Variants in IL3RA observed in about 807,000 individuals in gnomAD.
IL3RA encodes the protein interleukin-3 receptor subunit alpha.
In IL3RA, 73 loss-of-function variants were observed where a neutral mutation model predicts 52.3. That is an observed-to-expected ratio of 1.40 (90% CI 1.16 to 1.70). The LOEUF (loss-of-function observed/expected upper bound fraction) is 1.70, where lower values mean the gene tolerates loss of function less well. Among genes scored for constraint, IL3RA ranks in the 40% most tolerant of loss-of-function variants. The probability of loss-of-function intolerance (pLI) is 0.00; values close to 1 mark genes in which losing one functional copy is unlikely to be tolerated. For missense variants in IL3RA, 664 were observed against 504.4 expected (o/e 1.32, Z -3.03); for synonymous variants, 260 against 194.0 (o/e 1.34, Z -2.83).
chrX:1,340,483 C>T (rs1452617033), intron 1 of IL3RA, among the ~76,000 whole-genome samples: 1 of 152,150 alleles, frequency 6.6e-6, no homozygotes, highest in Admixed American at 6.6e-5. Context: ...TGCACACATA[C>T]ACACTGATGC....
intron 8 of IL3RA, 145 bp from the exon 9 acceptor site, chrX:1,364,993 G>C (rs1170071486): frequency 5.4e-6 from 3 of 558,076 alleles, no homozygotes; most frequent in Non-Finnish European, 6.6e-6. Context: ...ATTTTTAGTA[G>C]AGACAGGGTT....
rs183558400 is a variant in IL3RA at position 1,340,761 on chromosome X, G to A, written c.-38-967G>A. Among the ~76,000 whole-genome samples the A allele has an allele frequency of 1.6e-3, 239 of 152,206 alleles. 4 individuals carry two copies. The highest frequency in any genetic ancestry group is 5.4e-3 in the African/African-American group (225 of 41,528). On this transcript the variant is annotated intron_variant, in intron 1 of 11. Transcript: ENST00000331035. ...AGCACTTGGCGAGGAAAAGGCGGGC[G>A]GATCACCTGAGGCAGGAGTCCGAGA...
chrX:1,362,466 ATCTG>A (rs1163539470), intron 8 of IL3RA, among the ~76,000 whole-genome samples: 2 of 93,498 alleles, frequency 2.1e-5, no homozygotes, highest in Non-Finnish European at 4.6e-5. Context: ...CTCTGTTTCT[ATCTG>A]TCTCTCTCTG....
chrX:1,340,115 C>CTTTTTT (rs779128210), intron 1 of IL3RA, among the ~76,000 whole-genome samples: 31 of 127,178 alleles, frequency 2.4e-4, no homozygotes, highest in African/African-American at 4.9e-4. Flanking sequence ...CTTTTCTTTT[C>CTTTTTT]TTTTTTTTTT....
chrX:1,344,728 G>A (rs758277072), intron 2 of IL3RA, among the ~76,000 whole-genome samples: 142 of 151,518 alleles, frequency 9.4e-4, no homozygotes, highest in African/African-American at 2.2e-3. Flanking sequence ...AGCTGAGATC[G>A]TGCCACTGCA....
Position 1,382,648 on chromosome X carries a change from G to A in IL3RA, c.*183G>A, listed in dbSNP as rs1225115175. The A allele has an allele frequency of 4.8e-6, 3 of 628,792 alleles. No homozygotes were observed. Among genetic ancestry groups the A allele is most frequent in the African/African-American group, 1.9e-5 (1 of 53,458 alleles). 39.0% of individuals were successfully genotyped at this position (628,792 alleles called of 1,614,324 possible). On this transcript the variant is annotated 3_prime_UTR_variant, in exon 12 of 12. Transcript: ENST00000331035. Reference sequence around the variant, plus strand: ...GCCAGGAAGAAGAACAGAACTTTGTGTGTTTATTTCATGATAAAGTGATTT... The same window carrying A: ...GCCAGGAAGAAGAACAGAACTTTGTATGTTTATTTCATGATAAAGTGATTT...
At chrX:1,345,508 G>C (rs1353538232) in intron 3 of IL3RA, 74 bp downstream of exon 3, 7 of 1,072,546 alleles carry the variant, frequency 6.5e-6, no homozygotes, top group Middle Eastern at 3.3e-4. Context: ...TTTATTTTTT[G>C]AGACGGAGTC....
At chrX:1,359,637 T>C (rs1215423084) in intron 8 of IL3RA, among the ~76,000 whole-genome samples, 34 of 130,714 alleles carry the variant, frequency 2.6e-4, no homozygotes, top group Non-Finnish European at 4.9e-5. Flanking sequence ...TCCCTCTCTC[T>C]ATCTTTCTCT....
In IL3RA at chrX:1,348,534, T is replaced by A; in HGVS notation, c.287T>A (p.Phe96Tyr). 6.2e-7 allele frequency: 1 copy of A among 1,612,366 alleles called. No homozygotes were observed. The highest frequency in any genetic ancestry group is 8.5e-7 in the Non-Finnish European group (1 of 1,178,492). ...CCACCATTCTCCACGTGGATCCTCTTCCCTGAGAACAGTGAGAAAAATGTT... is the reference window on the plus strand; with the variant it reads ...CCACCATTCTCCACGTGGATCCTCTACCCTGAGAACAGTGAGAAAAATGTT... ...ANPPFSTWIL[F>Y]PENSGKPWAG... Residue 96 changes from phenylalanine (F) to tyrosine (Y), a missense_variant, in exon 4 of 12, where the codon TTC becomes TAC. Coordinates refer to ENST00000331035, the MANE Select transcript of IL3RA (RefSeq NM_002183.4).
rs1569522245 is a variant in IL3RA at position 1,353,952 on chromosome X, CCCA to C, written c.616+1447_616+1449del. Among the ~76,000 whole-genome samples the C allele has an allele frequency of 1.7e-4, 13 of 77,512 alleles. 1 individual carries two copies. Among genetic ancestry groups the C allele is most frequent in the African/African-American group, 6.7e-4 (13 of 19,482 alleles). 50.9% of individuals were successfully genotyped at this position (77,512 alleles called of 152,430 possible). ...CATCATGGGTCATGGGACCCCCCCC[CCCA>C]TCATGGGTCGTGGGACCCCCACCCC... On this transcript the variant is annotated intron_variant, in intron 6 of 11. Coordinates refer to ENST00000331035, the MANE Select transcript of IL3RA (RefSeq NM_002183.4).
intron 7 of IL3RA, among the ~76,000 whole-genome samples, chrX:1,358,616 G>A (rs1172032118): frequency 7.9e-5 from 12 of 152,242 alleles, no homozygotes; most frequent in South Asian, 6.2e-4. Flanking sequence ...CCGAGATCAC[G>A]CCACTGCATT....
intron 3 of IL3RA, among the ~76,000 whole-genome samples, chrX:1,345,929 G>A (rs781099834): frequency 6.6e-6 from 1 of 152,036 alleles, no homozygotes; most frequent in African/African-American, 2.4e-5. Flanking sequence ...ACTTTGGAGG[G>A]TCTGGTTCCC....
intron 8 of IL3RA, among the ~76,000 whole-genome samples, chrX:1,360,541 G>A (rs1426618535): frequency 4.0e-5 from 6 of 150,394 alleles, no homozygotes; most frequent in East Asian, 2.0e-4. Context: ...TTTTTGAAAC[G>A]GAGTTTTTCT....
At chrX:1,367,999 C>T (rs1273100234) in intron 9 of IL3RA, among the ~76,000 whole-genome samples, 1 of 152,078 alleles carries the variant, frequency 6.6e-6, no homozygotes, top group Admixed American at 6.5e-5. Flanking sequence ...CACTGACAGA[C>T]ACCCCCTGGG....
At chrX:1,344,986 C>T (rs756346290) in intron 2 of IL3RA, among the ~76,000 whole-genome samples, 3 of 138,528 alleles carry the variant, frequency 2.2e-5, no homozygotes, top group South Asian at 2.3e-4. Flanking sequence ...CACGGTGAAA[C>T]GCCATCTCTA....
intron 2 of IL3RA, among the ~76,000 whole-genome samples, chrX:1,343,036 T>G (rs17881196): frequency 1.3e-5 from 2 of 151,180 alleles, no homozygotes; most frequent in Non-Finnish European, 2.9e-5. Flanking sequence ...GATCACGCCA[T>G]TGCACTCCAG....
intron 8 of IL3RA, among the ~76,000 whole-genome samples, chrX:1,361,279 C>CTG: frequency 6.6e-6 from 1 of 152,162 alleles, no homozygotes; most frequent in Non-Finnish European, 1.5e-5. Flanking sequence ...CTCTGTCTGT[C>CTG]TGTCCCCCTG....
rs1294069862 is a variant in IL3RA at position 1,359,013 on chromosome X, TAATA to T, written c.759+130_759+133del. The T allele has an allele frequency of 1.7e-4, 121 of 693,698 alleles. 2 individuals carry two copies. The highest frequency in any genetic ancestry group is 1.6e-3 in the African/African-American group (84 of 52,388). 43.0% of individuals were successfully genotyped at this position (693,698 alleles called of 1,614,324 possible). A position where few individuals can be genotyped will look rare whatever the true frequency, so the allele number is the denominator to read the frequency against. On this transcript the variant is annotated intron_variant, in intron 8 of 11. Transcript: ENST00000331035. The stretch of plus-strand genomic sequence containing the variant: ...AATAAAATAATGAAAATATTATTAA[TAATA>T]AATGTTATTATTCAATGTTCAGTGA...
At chrX:1,363,445 C>T (rs1182989859) in intron 8 of IL3RA, among the ~76,000 whole-genome samples, 5 of 151,678 alleles carry the variant, frequency 3.3e-5, no homozygotes, top group Admixed American at 6.6e-5. Context: ...GGACCTCAGG[C>T]GCCCGCCACC....
Sources: gnomAD v4.1 joint callset for allele counts (sites outside exome capture counted in the v4.1 genomes callset) on GRCh38, gnomAD v4.1.1 for gene constraint, MANE v1.5 for transcripts, NCBI Gene and HGNC (gene_info 2026-07-23, HGNC 2026-07-21) for gene names.